The following MPC2 variants were observed in gnomAD, a reference collection of about 807,000 sequenced individuals.
MPC2 encodes the protein brain protein 44.
Under a neutral mutation model 19.2 loss-of-function variants are expected in MPC2, and 19 were observed. That is an observed-to-expected ratio of 0.99 (90% CI 0.69 to 1.45). The LOEUF (loss-of-function observed/expected upper bound fraction) is 1.45. MPC2 is among the 40% of genes most tolerant of loss of function. The probability of loss-of-function intolerance (pLI) is 0.00; values close to 1 mark genes in which losing one functional copy is unlikely to be tolerated. For synonymous variants in MPC2, 61 were observed against 54.3 expected, an observed-to-expected ratio of 1.12 and a Z score of -0.54; for missense variants, 122 against 153.0, an observed-to-expected ratio of 0.80 and a Z score of 1.07.
chr1:167,932,322 G>A (rs1382065035), intron 2 of MPC2, among the ~76,000 whole-genome samples: 2 of 152,012 alleles, frequency 1.3e-5, no homozygotes, highest in Non-Finnish European at 1.5e-5. Flanking sequence ...ATTACAGAAT[G>A]TATACACAAT....
intron 2 of MPC2, among the ~76,000 whole-genome samples, chr1:167,929,950 A>G (rs1313609448): frequency 6.6e-6 from 1 of 152,138 alleles, no homozygotes; most frequent in African/African-American, 2.4e-5. Context: ...AATTCCTTAC[A>G]TTACACAAGT....
intron 2 of MPC2, among the ~76,000 whole-genome samples, chr1:167,925,709 G>C (rs566365629): frequency 6.6e-6 from 1 of 151,124 alleles, no homozygotes; most frequent in East Asian, 1.9e-4. Flanking sequence ...ACCACACCCG[G>C]CTAATTTTTT....
chr1:167,936,166 T>A (rs906299478), intron 1 of MPC2: 2 of 305,026 alleles, frequency 6.6e-6, no homozygotes, highest in African/African-American at 4.5e-5. Context: ...GGCAGCGCGC[T>A]TGCGCAGGCC....
chr1:167,916,917 C>T lies in MPC2; in HGVS notation c.*1406G>A, dbSNP rs1471358767. On this transcript the variant is annotated 3_prime_UTR_variant, in exon 6 of 6. Transcript: ENST00000271373. Reference sequence around the variant, plus strand: ...AGAACCTCTTCATTGTGGCCTATGTCAAGCTCTCTAATCTTTTCTCCTCAA... The same window carrying T: ...AGAACCTCTTCATTGTGGCCTATGTTAAGCTCTCTAATCTTTTCTCCTCAA... The T allele has an allele frequency of 6.6e-6, 1 of 152,196 alleles. No homozygotes were observed. Among genetic ancestry groups the T allele is most frequent in the Non-Finnish European group, 1.5e-5 (1 of 68,038 alleles). The allele number at this position is 152,196 out of a possible 1,614,324, so 9.4% of individuals were successfully genotyped here. A position where few individuals can be genotyped will look rare whatever the true frequency, so the allele number is the denominator to read the frequency against.
chr1:167,932,623 ACATGGGGAAACCC>A (rs1459487032), intron 2 of MPC2, among the ~76,000 whole-genome samples: 2 of 152,150 alleles, frequency 1.3e-5, no homozygotes, highest in Non-Finnish European at 2.9e-5. Flanking sequence ...AGCCTGGCCA[ACATGGGGAAACCC>A]CATCTCTACT....
rs1557853997 is a variant in MPC2, at chr1:167,925,447, A to ATATATC, written c.110-911_110-910insGATATA. ...TATACAGATATACATATACACATAT[A>ATATATC]TATATATATATATATATATATATAT... On this transcript the variant is annotated intron_variant, in intron 2 of 5. Transcript: ENST00000271373. 3.2e-3 allele frequency among the ~76,000 whole-genome samples: 280 copies of ATATATC among 87,228 alleles called. 1 individual carries two copies. The highest frequency in any genetic ancestry group is 0.011 in the African/African-American group (264 of 23,514). The allele number at this position is 87,228 out of a possible 152,430, so 57.2% of individuals were successfully genotyped here. A position where few individuals can be genotyped will look rare whatever the true frequency, so the allele number is the denominator to read the frequency against.
chr1:167,922,532 G>A (rs1426050878), intron 3 of MPC2, among the ~76,000 whole-genome samples: 1 of 151,942 alleles, frequency 6.6e-6, no homozygotes, highest in Non-Finnish European at 1.5e-5. Flanking sequence ...GAGAGAAGAA[G>A]GAAATGGTAA....
Position 167,916,880 on chromosome 1 carries a change from G to A in MPC2, c.*1443C>T, listed in dbSNP as rs572951272. 5 of 152,290 alleles carry A rather than the reference G, an allele frequency of 3.3e-5. No homozygotes were observed. The highest frequency in any genetic ancestry group is 9.6e-5 in the African/African-American group (4 of 41,548). The allele number at this position is 152,290 out of a possible 1,614,324, so 9.4% of individuals were successfully genotyped here. A position where few individuals can be genotyped will look rare whatever the true frequency, so the allele number is the denominator to read the frequency against. The stretch of plus-strand genomic sequence containing the variant: ...GGTTTATGAAATGAAAGCAATAATA[G>A]TTTGACTCTTCAGAACCTCTTCATT... On this transcript the variant is annotated 3_prime_UTR_variant, in exon 6 of 6. Transcript: ENST00000271373.
At chr1:167,928,071 G>A (rs147575392) in intron 2 of MPC2, among the ~76,000 whole-genome samples, 107 of 152,188 alleles carry the variant, frequency 7.0e-4, no homozygotes, top group African/African-American at 2.4e-3. Flanking sequence ...AAGGTCGGCC[G>A]GGCGCGGTGG....
chr1:167,928,534 G>T (rs1271423458), intron 2 of MPC2, among the ~76,000 whole-genome samples: 1 of 152,058 alleles, frequency 6.6e-6, no homozygotes, highest in East Asian at 1.9e-4. Context: ...ATCAACAGTG[G>T]ATATGGTAGC....
intron 2 of MPC2, among the ~76,000 whole-genome samples, chr1:167,926,457 C>T (rs1248526053): frequency 1.3e-5 from 2 of 152,088 alleles, no homozygotes; most frequent in East Asian, 1.9e-4. Flanking sequence ...GACATTTTTA[C>T]GAAGGGAAAA....
intron 3 of MPC2, 92 bp from the exon 4 acceptor site, chr1:167,920,723 C>A: frequency 8.0e-7 from 1 of 1,257,108 alleles, no homozygotes. Context: ...TTTGAGATTT[C>A]CGTAAGTTAG....
At chr1:167,923,894 C>T (rs1670666363) in intron 3 of MPC2, among the ~76,000 whole-genome samples, 1 of 152,118 alleles carries the variant, frequency 6.6e-6, no homozygotes, top group Non-Finnish European at 1.5e-5. Flanking sequence ...TTGAGAAGCA[C>T]AGTTATAGAC....
chr1:167,936,077 C>A, intron 1 of MPC2, 179 bp from the exon 2 acceptor site: 1 of 564,738 alleles, frequency 1.8e-6, no homozygotes, highest in East Asian at 3.1e-5. Context: ...CCGCCTCCGG[C>A]CCCCGGCAGG....
intron 2 of MPC2, among the ~76,000 whole-genome samples, chr1:167,926,577 G>C (rs768396634): frequency 3.9e-5 from 6 of 152,242 alleles, no homozygotes; most frequent in Admixed American, 6.5e-5. Flanking sequence ...TCCCCCCAGG[G>C]GCATTTTTAG....
Position 167,935,851 on chromosome 1 carries a change from G to C in MPC2, c.-10C>G. The C allele has an allele frequency of 6.5e-7, 1 of 1,546,694 alleles. No homozygotes were observed. The highest frequency in any genetic ancestry group is 8.7e-7 in the Non-Finnish European group (1 of 1,144,276). Reference sequence around the variant, plus strand: ...CACCGGCGGCCGACATCGCCGCCGAGGGATCGTTGGCAGCCGGGTGGGAGC... The same window carrying C: ...CACCGGCGGCCGACATCGCCGCCGACGGATCGTTGGCAGCCGGGTGGGAGC... On this transcript the variant is annotated 5_prime_UTR_variant, in exon 2 of 6. Transcript: ENST00000271373.
intron 2 of MPC2, among the ~76,000 whole-genome samples, chr1:167,929,750 A>C (rs955341161): frequency 2.0e-5 from 3 of 152,218 alleles, no homozygotes; most frequent in Non-Finnish European, 4.4e-5. Context: ...GGAACAGAAT[A>C]GGTAATTTTT....
At chr1:167,923,961 T>A (rs946066294) in intron 3 of MPC2, among the ~76,000 whole-genome samples, 1 of 152,222 alleles carries the variant, frequency 6.6e-6, no homozygotes, top group African/African-American at 2.4e-5. Context: ...CCACCACAAT[T>A]GTTTCTTTTC....
rs748787337 is a variant in MPC2, at chr1:167,936,964, C to T, written c.-83G>A. On this transcript the variant is annotated 5_prime_UTR_variant, in exon 1 of 6. Coordinates refer to ENST00000271373, the MANE Select transcript of MPC2 (RefSeq NM_001143674.4). Reference sequence around the variant, plus strand: ...CTGTTGTGGGACGTGAGGAAAAGGTCCCTCGGGCTGGAGGACCCGTCCCGG... The same window carrying T: ...CTGTTGTGGGACGTGAGGAAAAGGTTCCTCGGGCTGGAGGACCCGTCCCGG... 2 of 1,611,100 alleles carry T rather than the reference C, an allele frequency of 1.2e-6. No individual in the cohort carries two copies. Among genetic ancestry groups the T allele is most frequent in the Non-Finnish European group, 1.7e-6 (2 of 1,179,198 alleles).
Sources: allele counts gnomAD v4.1 joint callset (sites outside exome capture counted in the v4.1 genomes callset), GRCh38; gene constraint gnomAD v4.1.1; transcripts MANE v1.5; gene names NCBI Gene and HGNC (gene_info 2026-07-23, HGNC 2026-07-21).